SYN3: variants seen among roughly 807,000 people sequenced by gnomAD.
The protein encoded by SYN3 is synapsin III.
In SYN3, 35 loss-of-function variants were observed where a neutral mutation model predicts 65.8. That is an observed-to-expected ratio of 0.53 (90% CI 0.41 to 0.70). The LOEUF (loss-of-function observed/expected upper bound fraction) is 0.70, where lower values mean the gene tolerates loss of function less well. SYN3 is among the 30% of genes least tolerant of loss of function. SYN3 has a pLI of 0.00. For synonymous variants in SYN3, 270 were observed against 292.9 expected (o/e 0.92, Z 0.80); for missense variants, 680 against 749.0 (o/e 0.91, Z 1.08).
At chr22:32,602,430 C>T (rs1375156945) in intron 6 of SYN3, among the ~76,000 whole-genome samples, 3 of 150,480 alleles carry the variant, frequency 2.0e-5, no homozygotes, top group African/African-American at 7.5e-5. Flanking sequence ...TAGTTCTATC[C>T]CGATAGTTTT....
chr22:32,941,828 C>T (rs979235345), intron 3 of SYN3, among the ~76,000 whole-genome samples: 8 of 152,226 alleles, frequency 5.3e-5, no homozygotes, highest in African/African-American at 1.2e-4. Context: ...GAGGATCCCA[C>T]GCCCACGGAG....
intron 7 of SYN3, among the ~76,000 whole-genome samples, chr22:32,549,648 C>A (rs2058383191): frequency 6.6e-6 from 1 of 152,166 alleles, no homozygotes; most frequent in Admixed American, 6.5e-5. Flanking sequence ...CCTGTAATCC[C>A]AGCATTTTGA....
intron 6 of SYN3, among the ~76,000 whole-genome samples, chr22:32,621,324 G>A (rs1050764996): frequency 6.6e-6 from 1 of 150,762 alleles, no homozygotes; most frequent in African/African-American, 2.5e-5. Flanking sequence ...CCATTTTAGG[G>A]GCCTCGCTGA....
chr22:32,519,851 G>C (rs1480883511), intron 12 of SYN3, among the ~76,000 whole-genome samples: 1 of 152,140 alleles, frequency 6.6e-6, no homozygotes, highest in African/African-American at 2.4e-5. Flanking sequence ...CCGTAGGCAC[G>C]TTAGGAGACT....
At chr22:33,057,779 A>G (rs1351476549) in intron 1 of SYN3, 2 of 152,444 alleles carry the variant, frequency 1.3e-5, no homozygotes, top group Non-Finnish European at 2.9e-5. Context: ...TTGGCCAGGA[A>G]ACCACTCTGA....
At chr22:32,575,856 CCTT>C in intron 7 of SYN3, among the ~76,000 whole-genome samples, 1 of 152,020 alleles carries the variant, frequency 6.6e-6, no homozygotes, top group Middle Eastern at 3.4e-3. Flanking sequence ...ATAAAGTTCC[CCTT>C]CTTTCCTCAA....
chr22:32,918,268 G>A (rs535958755), intron 4 of SYN3, among the ~76,000 whole-genome samples: 27 of 152,312 alleles, frequency 1.8e-4, no homozygotes, highest in Non-Finnish European at 8.8e-5. Flanking sequence ...TTCAGTCCAG[G>A]GGGAGACGGG....
intron 1 of SYN3, among the ~76,000 whole-genome samples, chr22:33,035,163 A>G (rs1448178559): frequency 1.3e-5 from 2 of 152,186 alleles, no homozygotes; most frequent in Non-Finnish European, 2.9e-5. Context: ...CTGGCTTTCT[A>G]TGCGACAGTA....
At position 32,780,220 on chromosome 22, in the gene SYN3, T is replaced by C. The variant is rs949547953; in HGVS notation, c.711+84695A>G. Among the ~76,000 whole-genome samples the C allele has an allele frequency of 3.9e-5, 6 of 152,096 alleles. No homozygotes were observed. In the South Asian group the frequency reaches 6.2e-4, roughly 16 times the overall value. The stretch of plus-strand genomic sequence containing the variant: ...GCCAGCTCACTGGTGTGGGACGCCA[T>C]GTCTGGTCTGTGCTTTGCTGAACTG... On this transcript the variant is annotated intron_variant, in intron 6 of 13. Transcript: ENST00000358763.
intron 6 of SYN3, among the ~76,000 whole-genome samples, chr22:32,611,356 C>T (rs1273275496): frequency 1.4e-5 from 2 of 144,104 alleles, no homozygotes; most frequent in Non-Finnish European, 3.0e-5. Context: ...TGCAATGGCA[C>T]CATCTCGGCT....
chr22:32,559,724 G>A (rs1378501350), intron 7 of SYN3, among the ~76,000 whole-genome samples: 1 of 152,098 alleles, frequency 6.6e-6, no homozygotes, highest in African/African-American at 2.4e-5. Flanking sequence ...CCAGCACTCT[G>A]GAGGCTGAGG....
rs369964205 is a variant in SYN3, at chr22:32,787,937, G to T, written c.711+76978C>A. On this transcript the variant is annotated intron_variant, in intron 6 of 13. Transcript: ENST00000358763. Reference sequence around the variant, plus strand: ...CTGGAGCTGGGACTGAGTTTGGCTTGGTTAAAGGAGGAAAAGGAGGTCAGT... The same window carrying T: ...CTGGAGCTGGGACTGAGTTTGGCTTTGTTAAAGGAGGAAAAGGAGGTCAGT... 2.3e-4 allele frequency among the ~76,000 whole-genome samples: 35 copies of T among 152,202 alleles called. No individual in the cohort carries two copies. The East Asian group carries it at 3.5e-3, about 15-fold the overall frequency.
At chr22:32,980,842 G>T in intron 2 of SYN3, 140 bp from the exon 3 acceptor site, 1 of 676,530 alleles carries the variant, frequency 1.5e-6, no homozygotes, top group Non-Finnish European at 2.5e-6. Flanking sequence ...CTTCACTACT[G>T]ATTTTCTCAG....
intron 4 of SYN3, among the ~76,000 whole-genome samples, chr22:32,879,702 A>G (rs776134953): frequency 2.2e-4 from 34 of 152,206 alleles, no homozygotes; most frequent in Non-Finnish European, 2.2e-4. Context: ...CCACAGCAGT[A>G]AGGATAGGAA....
intron 6 of SYN3, among the ~76,000 whole-genome samples, chr22:32,698,572 G>T (rs555408561): frequency 6.6e-6 from 1 of 152,238 alleles, no homozygotes; most frequent in South Asian, 2.1e-4. Flanking sequence ...CTCCTTAAAA[G>T]CTAGTGTTTT....
chr22:32,602,188 C>A (rs561498973), intron 6 of SYN3, among the ~76,000 whole-genome samples: 2 of 152,054 alleles, frequency 1.3e-5, no homozygotes, highest in Non-Finnish European at 2.9e-5. Flanking sequence ...CTTATTTTTG[C>A]TACAGATGTT....
intron 6 of SYN3, among the ~76,000 whole-genome samples, chr22:32,777,421 CT>C (rs1356460943): frequency 5.3e-5 from 8 of 151,996 alleles, no homozygotes; most frequent in Non-Finnish European, 1.2e-4. Context: ...ACACAGAAAC[CT>C]GTTTAGGAAG....
intron 1 of SYN3, among the ~76,000 whole-genome samples, chr22:33,047,354 C>A (rs899558265): frequency 1.3e-5 from 2 of 152,168 alleles, no homozygotes; most frequent in Non-Finnish European, 2.9e-5. Context: ...AAGAGACGAA[C>A]ACTCAATAAT....
At chr22:32,941,953 G>T (rs1215907107) in intron 3 of SYN3, among the ~76,000 whole-genome samples, 1 of 152,222 alleles carries the variant, frequency 6.6e-6, no homozygotes, top group African/African-American at 2.4e-5. Context: ...CAGCCAGGAA[G>T]CTCAAACTGG....
Sources: gnomAD v4.1 joint callset for allele counts (sites outside exome capture counted in the v4.1 genomes callset) on GRCh38, gnomAD v4.1.1 for gene constraint, MANE v1.5 for transcripts, NCBI Gene and HGNC (gene_info 2026-07-23, HGNC 2026-07-21) for gene names.